The following LMO7 variants were observed in gnomAD, a reference collection of about 807,000 sequenced individuals.
LMO7 encodes the protein LIM domain only protein 7.
LMO7 carries 120 observed loss-of-function variants against 206.5 expected under a neutral mutation model. The observed-to-expected ratio is 0.58, with a 90% CI of 0.50 to 0.68. The LOEUF (loss-of-function observed/expected upper bound fraction) is 0.68. LMO7 is among the 30% of genes least tolerant of loss of function. LMO7 has a pLI of 0.00. For missense variants in LMO7, 1,959 were observed against 1,957.9 expected, an observed-to-expected ratio of 1.00 and a Z score of -0.01; for synonymous variants, 706 against 681.5, an observed-to-expected ratio of 1.04 and a Z score of -0.56.
chr13:75,625,267 T>C (rs938484625), intron 2 of LMO7, among the ~76,000 whole-genome samples: 1 of 152,244 alleles, frequency 6.6e-6, no homozygotes, highest in Non-Finnish European at 1.5e-5. Context: ...CAGTATTATT[T>C]CTGGCCTTTC....
At chr13:75,677,990 G>C (rs2040168173) in intron 1 of LMO7, among the ~76,000 whole-genome samples, 1 of 152,070 alleles carries the variant, frequency 6.6e-6, no homozygotes, top group African/African-American at 2.4e-5. Flanking sequence ...TTTTATGCCT[G>C]TATAGTATTC....
At chr13:75,649,324 G>A (rs1230138660) in intron 1 of LMO7, among the ~76,000 whole-genome samples, 1 of 152,182 alleles carries the variant, frequency 6.6e-6, no homozygotes, top group Non-Finnish European at 1.5e-5. Flanking sequence ...CTGTTAGGAG[G>A]ACAGGAAGAG....
chr13:75,836,420 T>C lies in LMO7; in HGVS notation c.3357T>C (p.Asn1119=). The C allele has an allele frequency of 6.5e-7, 1 of 1,539,752 alleles. No homozygotes were observed. Among genetic ancestry groups the C allele is most frequent in the Non-Finnish European group, 8.9e-7 (1 of 1,127,744 alleles). Reference sequence around the variant, plus strand: ...AGAATATTGAATCCAAAGAAATCAATGGAATTCATGATGAAAGCAATGCTT... The same window carrying C: ...AGAATATTGAATCCAAAGAAATCAACGGAATTCATGATGAAAGCAATGCTT... The part of the protein sequence containing the change: ...QSSNIESKEI[N]GIHDESNAFE... Residue 1119 remains asparagine (N), a synonymous_variant, in exon 19 of 31, where the codon AAT becomes AAC. Transcript: ENST00000377534.
At chr13:75,668,663 T>A (rs2039282026) in intron 1 of LMO7, among the ~76,000 whole-genome samples, 2 of 152,212 alleles carry the variant, frequency 1.3e-5, no homozygotes, top group South Asian at 4.1e-4. Context: ...CTCAGAAATT[T>A]TTTTTTTATA....
In LMO7 at chr13:75,809,190, T is replaced by C. The variant is rs1444060174; in HGVS notation, c.1946+7T>C. On this transcript the variant is annotated splice_region_variant and intron_variant, in intron 11 of 30. Coordinates refer to ENST00000377534, the MANE Select transcript of LMO7 (RefSeq NM_001306080.2). ...AGATTTATGGTGAGAATGGGTAAGT[T>C]GTGTGGTTCACAGTAAAAAATCTGT... 1.2e-6 allele frequency: 2 copies of C among 1,611,210 alleles called. No individual in the cohort carries two copies. Among genetic ancestry groups the C allele is most frequent in the Admixed American group, 3.3e-5 (2 of 59,916 alleles).
intron 14 of LMO7, among the ~76,000 whole-genome samples, chr13:75,822,920 G>A (rs923973865): frequency 6.6e-6 from 1 of 151,140 alleles, no homozygotes; most frequent in Non-Finnish European, 1.5e-5. Flanking sequence ...AAGAGTTATA[G>A]ATATTTGTTG....
chr13:75,635,121 G>A (rs945420271), upstream of LMO7, among the ~76,000 whole-genome samples: 13 of 151,990 alleles, frequency 8.6e-5, no homozygotes, highest in Non-Finnish European at 1.6e-4. Flanking sequence ...AAGGCAAAAG[G>A]CAAACAGTTG....
Position 75,804,278 on chromosome 13 carries a change from CT to C in LMO7, c.662-9del. 6.2e-7 allele frequency: 1 copy of C among 1,606,712 alleles called. No individual in the cohort carries two copies. Among genetic ancestry groups the C allele is most frequent in the Non-Finnish European group, 8.5e-7 (1 of 1,174,830 alleles). ...TGGAGAGTAAAGCAAATTCTTGTGC[CT>C]TCTTTATAGGTTTTGAAAGTGACAC... On this transcript the variant is annotated splice_polypyrimidine_tract_variant and intron_variant, in intron 7 of 30. Coordinates refer to ENST00000377534, the MANE Select transcript of LMO7 (RefSeq NM_001306080.2).
chr13:75,691,311 TA>T (rs1263133617), intron 1 of LMO7, among the ~76,000 whole-genome samples: 2 of 152,230 alleles, frequency 1.3e-5, no homozygotes, highest in Non-Finnish European at 2.9e-5. Context: ...GTGTGTTGAG[TA>T]GAGGATGTTT....
intron 1 of LMO7, among the ~76,000 whole-genome samples, chr13:75,661,650 C>G (rs33991813): frequency 0.25 from 37,651 of 152,082 alleles, 5,081 homozygotes; most frequent in Admixed American, 0.37. Context: ...ATGTCTTAGG[C>G]TGAGCACACA....
At chr13:75,698,602 G>GT (rs572194746) in intron 1 of LMO7, among the ~76,000 whole-genome samples, 6,715 of 134,870 alleles carry the variant, frequency 0.05, 235 homozygotes, top group African/African-American at 0.1. Flanking sequence ...ATATATTTAA[G>GT]TTTTTTTTTT....
At chr13:75,744,413 A>C (rs1319158948) in intron 3 of LMO7, among the ~76,000 whole-genome samples, 1 of 152,222 alleles carries the variant, frequency 6.6e-6, no homozygotes, top group Non-Finnish European at 1.5e-5. Context: ...GCCTTAGGGC[A>C]ACTTTTTTTT....
At chr13:75,822,082 C>T (rs1027684627) in intron 14 of LMO7, among the ~76,000 whole-genome samples, 1 of 151,976 alleles carries the variant, frequency 6.6e-6, no homozygotes. Flanking sequence ...ATATATCTTA[C>T]GTTTATATAT....
chr13:75,715,198 C>G (rs893534191), intron 2 of LMO7, among the ~76,000 whole-genome samples: 1 of 152,156 alleles, frequency 6.6e-6, no homozygotes, highest in Admixed American at 6.5e-5. Context: ...AGCCTGGGCT[C>G]TGAATGATGA....
rs76685155 is a variant in LMO7, at chr13:75,833,850, T to C, written c.3065-376T>C. Among the ~76,000 whole-genome samples the C allele has an allele frequency of 3.3e-4, 51 of 152,332 alleles. No homozygotes were observed. In the East Asian group the frequency reaches 9.8e-3, roughly 29 times the overall value. On this transcript the variant is annotated intron_variant, in intron 16 of 30. Transcript: ENST00000377534. ...GTAATTTTAAGCAGTTTTAAATAGC[T>C]GTGTTTTCTTCTGCTTCATTCCAGA... is the stretch of plus-strand genomic sequence containing the variant.
At chr13:75,737,623 G>A (rs2045948087) in intron 3 of LMO7, among the ~76,000 whole-genome samples, 1 of 145,610 alleles carries the variant, frequency 6.9e-6, no homozygotes, top group South Asian at 2.2e-4. Flanking sequence ...CGTGGTAGCG[G>A]GCGCCTGTAG....
At chr13:75,709,053 T>G (rs931339408) in intron 1 of LMO7, among the ~76,000 whole-genome samples, 4 of 151,964 alleles carry the variant, frequency 2.6e-5, no homozygotes, top group Non-Finnish European at 5.9e-5. Context: ...CGGTGTTTGG[T>G]TTTTTGTCCT....
chr13:75,787,347 G>T (rs866985307), intron 4 of LMO7, among the ~76,000 whole-genome samples: 1 of 152,156 alleles, frequency 6.6e-6, no homozygotes, highest in African/African-American at 2.4e-5. Context: ...CCACCTTTCG[G>T]CTCCTGCAGC....
upstream of LMO7, among the ~76,000 whole-genome samples, chr13:75,635,002 TCAAAACAAAA>T (rs3036380): frequency 0.034 from 4,652 of 136,612 alleles, 116 homozygotes; most frequent in Non-Finnish European, 0.046. Context: ...AGACTCCATC[TCAAAACAAAA>T]CAAAACAAAA....
Sources: gnomAD v4.1 joint callset for allele counts (sites outside exome capture counted in the v4.1 genomes callset) on GRCh38, gnomAD v4.1.1 for gene constraint, MANE v1.5 for transcripts, NCBI Gene and HGNC (gene_info 2026-07-23, HGNC 2026-07-21) for gene names.